Variants in GALNT13 observed in about 807,000 individuals in gnomAD.
The protein encoded by GALNT13 is UDP-GalNAc:polypeptide N-acetylgalactosaminyltransferase 13.
A neutral mutation model predicts 64.2 loss-of-function variants in GALNT13; 28 were observed. The observed-to-expected ratio is 0.44, with a 90% CI of 0.32 to 0.60. The LOEUF is 0.60. Among genes scored for constraint, GALNT13 ranks in the 20% least tolerant of loss-of-function variants. The pLI is 0.05. For missense variants in GALNT13, 577 were observed against 669.8 expected (o/e 0.86, Z 1.53); for synonymous variants, 214 against 224.6 (o/e 0.95, Z 0.42).
the GALNT13 span, among the ~76,000 whole-genome samples, chr2:153,291,308 G>C: frequency 6.6e-6 from 1 of 152,112 alleles, no homozygotes; most frequent in Non-Finnish European, 1.5e-5. Context: ...TTTATTAGTA[G>C]AGCAATGTTC....
the GALNT13 span, among the ~76,000 whole-genome samples, chr2:153,558,537 C>A: frequency 5.3e-5 from 8 of 151,986 alleles, no homozygotes; most frequent in Admixed American, 5.2e-4. Context: ...CTTTAAGTAG[C>A]AAATTGAGCT....
the GALNT13 span, among the ~76,000 whole-genome samples, chr2:153,347,611 C>T: frequency 1.1e-4 from 17 of 152,224 alleles, no homozygotes; most frequent in East Asian, 3.3e-3. Flanking sequence ...TGGAATCCAT[C>T]ACAGTTAGGT....
At chr2:153,436,445 A>C in the GALNT13 span, among the ~76,000 whole-genome samples, 1 of 152,246 alleles carries the variant, frequency 6.6e-6, no homozygotes, top group East Asian at 1.9e-4. Flanking sequence ...TCGGCTGTGA[A>C]TCCATCTGGT....
Position 154,259,004 on chromosome 2 carries a change from TG to T in GALNT13, c.858-16del. 1 of 1,300,452 alleles carries T rather than the reference TG, an allele frequency of 7.7e-7. No homozygotes were observed. The highest frequency in any genetic ancestry group is 1.1e-6 in the Non-Finnish European group (1 of 897,034). The allele number at this position is 1,300,452 out of a possible 1,614,324, so 80.6% of individuals were successfully genotyped here. On this transcript the variant is annotated splice_polypyrimidine_tract_variant and intron_variant, in intron 7 of 12. Transcript: ENST00000392825. Reference sequence around the variant, plus strand: ...TTTTCAAAAGATATTCTTTTCTTTTTGTTTTTTTTCAACTAGGACCCCTACT... The same window carrying T: ...TTTTCAAAAGATATTCTTTTCTTTTTTTTTTTTTCAACTAGGACCCCTACT...
intron 3 of GALNT13, among the ~76,000 whole-genome samples, chr2:154,001,249 C>T (rs1319096248): frequency 2.0e-5 from 3 of 151,838 alleles, no homozygotes; most frequent in Non-Finnish European, 4.4e-5. Context: ...TATAGTCACT[C>T]TGTCTTTTAA....
the GALNT13 span, among the ~76,000 whole-genome samples, chr2:153,575,369 T>G: frequency 2.0e-5 from 3 of 152,182 alleles, no homozygotes. Context: ...AACCACGCCT[T>G]GACTACTACC....
intron 9 of GALNT13, among the ~76,000 whole-genome samples, chr2:154,319,857 TC>T (rs1417653449): frequency 6.6e-6 from 1 of 152,096 alleles, no homozygotes; most frequent in East Asian, 1.9e-4. Flanking sequence ...AGTTATTTTT[TC>T]ATCATTTTTA....
intron 12 of GALNT13, among the ~76,000 whole-genome samples, chr2:154,448,486 T>C (rs1010771804): frequency 2.0e-5 from 3 of 151,936 alleles, no homozygotes; most frequent in Non-Finnish European, 4.4e-5. Flanking sequence ...AGCCAGTAAG[T>C]AAAGGACAGG....
At chr2:154,032,504 A>C (rs1414997761) in intron 3 of GALNT13, among the ~76,000 whole-genome samples, 1 of 152,050 alleles carries the variant, frequency 6.6e-6, no homozygotes, top group Non-Finnish European at 1.5e-5. Context: ...TATAGATACA[A>C]GAATCTTCAA....
At chr2:153,160,160 T>A in the GALNT13 span, among the ~76,000 whole-genome samples, 2 of 152,306 alleles carry the variant, frequency 1.3e-5, no homozygotes, top group Admixed American at 6.5e-5. Context: ...TGAGGCTGGA[T>A]ATAGAATTGG....
At chr2:153,390,949 G>A in the GALNT13 span, among the ~76,000 whole-genome samples, 2 of 152,022 alleles carry the variant, frequency 1.3e-5, no homozygotes, top group Non-Finnish European at 2.9e-5. Context: ...AGTAGAACAG[G>A]GTAAGGAGAA....
At position 154,121,971 on chromosome 2, in the gene GALNT13, G is replaced by A. The variant is rs548121720; in HGVS notation, c.143-18366G>A. 5.3e-5 allele frequency among the ~76,000 whole-genome samples: 8 copies of A among 152,022 alleles called. No individual in the cohort carries two copies. The South Asian group carries it at 1.7e-3, about 32-fold the overall frequency. On this transcript the variant is annotated intron_variant, in intron 3 of 12. Transcript: ENST00000392825. ...TAGTCTTTTAATGTTCATTTTGTTG[G>A]TTTAGGTTTTTGTAAACATTTTTAT...
chr2:153,219,255 A>C, the GALNT13 span, among the ~76,000 whole-genome samples: 1 of 152,212 alleles, frequency 6.6e-6, no homozygotes, highest in Admixed American at 6.5e-5. Context: ...AGCACAAATG[A>C]AAACTTAGAG....
At chr2:154,050,990 A>G (rs1434788270) in intron 3 of GALNT13, among the ~76,000 whole-genome samples, 3 of 152,218 alleles carry the variant, frequency 2.0e-5, no homozygotes, top group Non-Finnish European at 4.4e-5. Context: ...AGGACTTAGA[A>G]CAATATGAAC....
At chr2:153,537,326 T>C in the GALNT13 span, among the ~76,000 whole-genome samples, 1 of 152,316 alleles carries the variant, frequency 6.6e-6, no homozygotes, top group Admixed American at 6.5e-5. Context: ...ACAAGCTCTT[T>C]TTAAGGCTGT....
At chr2:153,924,811 G>A (rs958452982) in intron 2 of GALNT13, among the ~76,000 whole-genome samples, 2 of 152,042 alleles carry the variant, frequency 1.3e-5, no homozygotes, top group Non-Finnish European at 1.5e-5. Flanking sequence ...CTAATGATCC[G>A]TGACGTTGAG....
At chr2:153,792,482 G>A in the GALNT13 span, among the ~76,000 whole-genome samples, 2 of 152,098 alleles carry the variant, frequency 1.3e-5, no homozygotes, top group Admixed American at 6.5e-5. Context: ...TTCACAAGGG[G>A]TCCTGGAACC....
chr2:153,644,901 T>C, the GALNT13 span, among the ~76,000 whole-genome samples: 5 of 152,158 alleles, frequency 3.3e-5, no homozygotes, highest in African/African-American at 1.2e-4. Context: ...AACTAATATG[T>C]CTATGGGACA....
At position 154,355,512 on chromosome 2, in the gene GALNT13, G is replaced by A. The variant is rs570519346; in HGVS notation, c.1157-40479G>A. On this transcript the variant is annotated intron_variant, in intron 9 of 12. Transcript: ENST00000392825. ...ATTTGCCACACTAAAATGAGGAAAG[G>A]CATCTTATGTTTTCTTTTGGCATAA... Among the ~76,000 whole-genome samples, 7 of 152,126 alleles carry A rather than the reference G, an allele frequency of 4.6e-5. No individual in the cohort carries two copies. In the East Asian group the frequency reaches 1.2e-3, roughly 25 times the overall value.
Sources: allele counts gnomAD v4.1 joint callset (sites outside exome capture counted in the v4.1 genomes callset), GRCh38; gene constraint gnomAD v4.1.1; transcripts MANE v1.5; gene names NCBI Gene and HGNC (gene_info 2026-07-23, HGNC 2026-07-21).